RALGPS2: variants seen among roughly 807,000 people sequenced by gnomAD.
RALGPS2 encodes ras-specific guanine nucleotide-releasing factor RalGPS2.
Under a neutral mutation model 86.8 loss-of-function variants are expected in RALGPS2, and 43 were observed. The ratio of observed to expected loss-of-function variants is 0.50; its 90% confidence interval spans 0.39 to 0.64. RALGPS2 has a LOEUF of 0.64. Among genes scored for constraint, RALGPS2 ranks in the 30% least tolerant of loss-of-function variants. RALGPS2 has a pLI of 0.00. For synonymous variants in RALGPS2, 243 were observed against 231.3 expected (o/e 1.05, Z -0.46); for missense variants, 536 against 694.6 (o/e 0.77, Z 2.57).
At chr1:178,827,699 C>A (rs1558137368) in intron 7 of RALGPS2, among the ~76,000 whole-genome samples, 2 of 152,124 alleles carry the variant, frequency 1.3e-5, no homozygotes, top group Non-Finnish European at 2.9e-5. Context: ...CCGGCCCATA[C>A]TCTCTGATTT....
chr1:178,883,433 T>C, intron 10 of RALGPS2, 33 bp from the exon 11 acceptor site: 2 of 1,467,116 alleles, frequency 1.4e-6, no homozygotes, highest in Non-Finnish European at 1.9e-6. Context: ...TGTTAATTAA[T>C]CATTGTATGT....
At position 178,760,272 on chromosome 1, in the gene RALGPS2, C is replaced by T. The variant is rs1005684330; in HGVS notation, c.-83-16410C>T. ...TTAGGTTTTTGCCTCAATGATCTAACGTTGTCATGGGGATGTTGAAGTTTC... is the reference window on the plus strand; with the variant it reads ...TTAGGTTTTTGCCTCAATGATCTAATGTTGTCATGGGGATGTTGAAGTTTC... On this transcript the variant is annotated intron_variant, in intron 1 of 19. Coordinates refer to ENST00000367635, the MANE Select transcript of RALGPS2 (RefSeq NM_152663.5). 5.9e-5 allele frequency among the ~76,000 whole-genome samples: 9 copies of T among 152,138 alleles called. No individual in the cohort carries two copies. In the South Asian group the frequency reaches 6.2e-4, roughly 11 times the overall value.
intron 4 of RALGPS2, among the ~76,000 whole-genome samples, chr1:178,793,321 G>A (rs1332510732): frequency 6.6e-6 from 1 of 151,534 alleles, no homozygotes; most frequent in African/African-American, 2.4e-5. Flanking sequence ...ATTCCTGGAA[G>A]TGGGTAATTT....
intron 19 of RALGPS2, among the ~76,000 whole-genome samples, chr1:178,907,071 C>T (rs913564732): frequency 1.1e-4 from 16 of 152,102 alleles, no homozygotes; most frequent in African/African-American, 3.4e-4. Flanking sequence ...AACAAAATTT[C>T]GAACAGTCAG....
Position 178,892,251 on chromosome 1 carries a change from C to T in RALGPS2, c.1269C>T (p.Leu423=), listed in dbSNP as rs746310800. The T allele has an allele frequency of 1.1e-5, 18 of 1,612,558 alleles. No individual in the cohort carries two copies. The highest frequency in any genetic ancestry group is 2.2e-5 in the South Asian group (2 of 91,042). ...ACAGGAACAGATTATACCATTCTCT[C>T]GGCCCGGTGACAAGAGTGGCACGAA... ...AFERNRLYHS[L]GPVTRVARNG... is the part of the protein sequence containing the mutation. Residue 423 remains leucine, a synonymous_variant, in exon 15 of 20, where the codon CTC becomes CTT. Transcript: ENST00000367635.
At position 178,778,723 on chromosome 1, in the gene RALGPS2, G is replaced by T. The variant is rs1653226409; in HGVS notation, c.57+1902G>T. On this transcript the variant is annotated intron_variant, in intron 2 of 19. Coordinates refer to ENST00000367635, the MANE Select transcript of RALGPS2 (RefSeq NM_152663.5). The stretch of plus-strand genomic sequence containing the variant: ...GGAATACTATGCAGCCATAAAAAAT[G>T]ATGAGTTCATGTCCTTTGTAGGGAC... Among the ~76,000 whole-genome samples, 4 of 143,730 alleles carry T rather than the reference G, an allele frequency of 2.8e-5. No individual in the cohort carries two copies. In the South Asian group the frequency reaches 7.0e-4, roughly 25 times the overall value. 94.3% of individuals were successfully genotyped at this position (143,730 alleles called of 152,430 possible). A position where few individuals can be genotyped will look rare whatever the true frequency, so the allele number is the denominator to read the frequency against.
intron 14 of RALGPS2, 129 bp from the exon 15 acceptor site, chr1:178,892,101 A>G (rs866345104): frequency 3.3e-6 from 3 of 913,534 alleles, no homozygotes; most frequent in South Asian, 3.7e-5. Flanking sequence ...GAACAATCAC[A>G]TACTATCCTT....
intron 18 of RALGPS2, among the ~76,000 whole-genome samples, chr1:178,903,149 A>G (rs1485182466): frequency 2.0e-5 from 3 of 152,106 alleles, no homozygotes; most frequent in Non-Finnish European, 4.4e-5. Context: ...CTGGAATACT[A>G]TGTTACCTTT....
chr1:178,900,691 G>A (rs942682101), intron 17 of RALGPS2, among the ~76,000 whole-genome samples: 1 of 151,936 alleles, frequency 6.6e-6, no homozygotes, highest in Non-Finnish European at 1.5e-5. Context: ...ACACAAGTCA[G>A]AGTGTAAATA....
At chr1:178,912,081 C>T (rs2102420904) in intron 19 of RALGPS2, among the ~76,000 whole-genome samples, 1 of 152,256 alleles carries the variant, frequency 6.6e-6, no homozygotes, top group South Asian at 2.1e-4. Context: ...CTTTACTTTG[C>T]ACCTAGTATG....
chr1:178,883,609 T>C, intron 11 of RALGPS2, 76 bp downstream of exon 11: 1 of 1,156,516 alleles, frequency 8.6e-7, no homozygotes, highest in South Asian at 1.3e-5. Context: ...CCAAAGTAAA[T>C]AAAAACTTAG....
Position 178,916,368 on chromosome 1 carries a change from GAA to G in RALGPS2, c.*15_*16del. On this transcript the variant is annotated 3_prime_UTR_variant, in exon 20 of 20. Transcript: ENST00000367635. The stretch of plus-strand genomic sequence containing the variant: ...TGATGACTTTTGAGTAGAAGCCTGA[GAA>G]AAAAAGAGAGGTGAACTGTTGCTTC... The G allele has an allele frequency of 6.3e-7, 1 of 1,596,840 alleles. No individual in the cohort carries two copies. The highest frequency in any genetic ancestry group is 8.6e-7 in the Non-Finnish European group (1 of 1,166,042).
intron 8 of RALGPS2, among the ~76,000 whole-genome samples, chr1:178,844,249 A>G (rs1487705387): frequency 1.3e-5 from 2 of 152,186 alleles, no homozygotes; most frequent in Admixed American, 6.5e-5. Flanking sequence ...TGAAATATCT[A>G]TAGTGCATAG....
At chr1:178,740,372 G>T (rs963017641) in intron 1 of RALGPS2, among the ~76,000 whole-genome samples, 1 of 152,218 alleles carries the variant, frequency 6.6e-6, no homozygotes, top group African/African-American at 2.4e-5. Context: ...CAGTGGATTG[G>T]TCCAGCAGTG....
chr1:178,912,719 A>G (rs908895504), intron 19 of RALGPS2, among the ~76,000 whole-genome samples: 5 of 152,098 alleles, frequency 3.3e-5, no homozygotes, highest in Non-Finnish European at 5.9e-5. Flanking sequence ...TTGCACATCA[A>G]CTTCTGTAGC....
intron 1 of RALGPS2, among the ~76,000 whole-genome samples, chr1:178,730,056 C>T (rs1466392739): frequency 6.6e-6 from 1 of 152,180 alleles, no homozygotes; most frequent in Admixed American, 6.5e-5. Context: ...ATTCTCCTGC[C>T]TCAGCTTCCC....
chr1:178,916,425 C>T lies in RALGPS2; in HGVS notation c.*66C>T, dbSNP rs1572482565. ...TGAGCATGAGGACCTGATAAAAGAG[C>T]GCCAGCTATAAACCATCCTGTGCCA... On this transcript the variant is annotated 3_prime_UTR_variant, in exon 20 of 20. Coordinates refer to ENST00000367635, the MANE Select transcript of RALGPS2 (RefSeq NM_152663.5). 16 of 1,458,648 alleles carry T rather than the reference C, an allele frequency of 1.1e-5. No individual in the cohort carries two copies. Among genetic ancestry groups the T allele is most frequent in the Non-Finnish European group, 1.3e-5 (14 of 1,055,534 alleles). 90.4% of individuals were successfully genotyped at this position (1,458,648 alleles called of 1,614,324 possible).
At chr1:178,828,862 A>G (rs1655881887) in intron 7 of RALGPS2, among the ~76,000 whole-genome samples, 1 of 152,174 alleles carries the variant, frequency 6.6e-6, no homozygotes, top group Admixed American at 6.5e-5. Context: ...AACAGTATGG[A>G]GATTCCCCCA....
At chr1:178,808,691 T>C (rs532625183) in intron 5 of RALGPS2, among the ~76,000 whole-genome samples, 65 of 152,202 alleles carry the variant, frequency 4.3e-4, no homozygotes, top group African/African-American at 1.4e-3. Flanking sequence ...GGGAATACAT[T>C]ATTCTAAGAG....
Sources: allele counts gnomAD v4.1 joint callset (sites outside exome capture counted in the v4.1 genomes callset), GRCh38; gene constraint gnomAD v4.1.1; transcripts MANE v1.5; gene names NCBI Gene and HGNC (gene_info 2026-07-23, HGNC 2026-07-21).